Variants in DERL2 observed in about 807,000 individuals in gnomAD.
DERL2 encodes derlin 2, also known as derlin-2.
A neutral mutation model predicts 32.0 loss-of-function variants in DERL2; 13 were observed. The ratio of observed to expected loss-of-function variants is 0.41; its 90% CI spans 0.26 to 0.65. DERL2 has a LOEUF of 0.65. Ranked by LOEUF, DERL2 falls within the 30% of genes least tolerant of loss-of-function variation. The pLI is 0.35. For missense variants in DERL2, 208 were observed against 296.3 expected (o/e 0.70, Z 2.19); for synonymous variants, 111 against 104.7 (o/e 1.06, Z -0.37).
rs1353534733 is a variant in DERL2, at chr17:5,471,477, T to C, written c.*3207A>G. 1 of 152,198 alleles carries C rather than the reference T, an allele frequency of 6.6e-6. No homozygotes were observed. The highest frequency in any genetic ancestry group is 2.4e-5 in the African/African-American group (1 of 41,436). 9.4% of individuals were successfully genotyped at this position (152,198 alleles called of 1,614,324 possible). A position where few individuals can be genotyped will look rare whatever the true frequency, so the allele number is the denominator to read the frequency against. Reference sequence around the variant, plus strand: ...TACAGACTTGAAGCTTTATAGGGATTCAGAGACAGACAATAAAATAGGCCT... The same window carrying C: ...TACAGACTTGAAGCTTTATAGGGATCCAGAGACAGACAATAAAATAGGCCT... On this transcript the variant is annotated 3_prime_UTR_variant, in exon 7 of 7. Coordinates refer to ENST00000158771, the MANE Select transcript of DERL2 (RefSeq NM_016041.5).
Position 5,481,502 on chromosome 17 carries a change from T to G in DERL2, c.234-113A>C. ...ATATTATTTGTAATTAGTCAAGTCT[T>G]CATTTGTATAAGAATGTTTGAGTGG... On this transcript the variant is annotated intron_variant, in intron 3 of 6. Transcript: ENST00000158771. The surrounding 1 kb of genome is among the most constrained non-coding windows in gnomAD (Gnocchi z 4.4). 1 of 741,408 alleles carries G rather than the reference T, an allele frequency of 1.3e-6. No homozygotes were observed. The highest frequency in any genetic ancestry group is 1.6e-5 in the South Asian group (1 of 61,306). 45.9% of individuals were successfully genotyped at this position (741,408 alleles called of 1,614,324 possible).
chr17:5,485,896 G>T, intron 1 of DERL2, 173 bp downstream of exon 1: 1 of 488,194 alleles, frequency 2.0e-6, no homozygotes, highest in Non-Finnish European at 3.6e-6. Context: ...CCCTTCTCGC[G>T]TCACTGGATA....
intron 1 of DERL2, chr17:5,485,782 C>G (rs1303226940): frequency 5.5e-6 from 2 of 360,622 alleles, no homozygotes; most frequent in Admixed American, 9.2e-5. Context: ...ATTGGCAGAG[C>G]TCTCGGACAC....
chr17:5,481,903 T>C lies in DERL2; in HGVS notation c.234-514A>G, dbSNP rs1905813252. On this transcript the variant is annotated intron_variant, in intron 3 of 6. Transcript: ENST00000158771. The surrounding 1 kb of genome is among the most constrained non-coding windows in gnomAD (Gnocchi z 4.4). ...GACCTCGTGATCCACTGCCTTGGCC[T>C]CCCCAAGTGCTGGGATTACAGGTGT... Among the ~76,000 whole-genome samples, 1 of 152,132 alleles carries C rather than the reference T, an allele frequency of 6.6e-6. No individual in the cohort carries two copies. The highest frequency in any genetic ancestry group is 2.1e-4 in the South Asian group (1 of 4,830).
chr17:5,474,865 C>G lies in DERL2; in HGVS notation c.615-76G>C. ...AAAGTACTACAAGGTCAGTTCAGGC[C>G]CCATAGGGTTTCCACCAATAGGTAA... On this transcript the variant is annotated intron_variant, in intron 6 of 6. Coordinates refer to ENST00000158771, the MANE Select transcript of DERL2 (RefSeq NM_016041.5). This position sits in a 1 kb window ranked among gnomAD's most constrained non-coding sequence, Gnocchi z 4.3. 9.2e-7 allele frequency: 1 copy of G among 1,091,374 alleles called. No individual in the cohort carries two copies. The highest frequency in any genetic ancestry group is 1.3e-6 in the Non-Finnish European group (1 of 749,294). 67.6% of individuals were successfully genotyped at this position (1,091,374 alleles called of 1,614,324 possible).
chr17:5,484,022 CAAAGTA>C (rs1226627465), intron 2 of DERL2, among the ~76,000 whole-genome samples: 2 of 152,102 alleles, frequency 1.3e-5, no homozygotes, highest in African/African-American at 4.8e-5. Context: ...CGCATAACTG[CAAAGTA>C]AAAGTGAGAG....
chr17:5,474,572 TA>T lies in DERL2; in HGVS notation c.*111del. On this transcript the variant is annotated 3_prime_UTR_variant, in exon 7 of 7. Transcript: ENST00000158771. The surrounding 1 kb of genome is among the most constrained non-coding windows in gnomAD (Gnocchi z 4.3). ...CCATTTCATAAAGTGCTTCTGGAGT[TA>T]AAATCTGCCAAGCTGTCAAAAGTGT... 2 of 767,918 alleles carry T rather than the reference TA, an allele frequency of 2.6e-6. No individual in the cohort carries two copies. Among genetic ancestry groups the T allele is most frequent in the Non-Finnish European group, 2.1e-6 (1 of 472,672 alleles). 47.6% of individuals were successfully genotyped at this position (767,918 alleles called of 1,614,324 possible).
Position 5,480,491 on chromosome 17 carries a change from C to G in DERL2, c.419G>C (p.Arg140Pro). The G allele has an allele frequency of 6.2e-7, 1 of 1,611,386 alleles. No individual in the cohort carries two copies. Among genetic ancestry groups the G allele is most frequent in the Non-Finnish European group, 8.5e-7 (1 of 1,179,294 alleles). The change falls in exon 5 of 7, where the codon CGC becomes CCC. Residue 140 changes from arginine (R) to proline (P), a missense_variant. Arg to Pro is a moderately radical substitution (Grantham distance 103). Transcript: ENST00000158771. ...YVWSRRNPYVRMNFFGLLNFQ... is the reference protein window; with the variant it reads ...YVWSRRNPYVPMNFFGLLNFQ... ...GTTGAGAAGGCCGAAGAAGTTCATGCGGACATAGGGGTTCCTTCGGCTCCA... is the reference window on the plus strand; with the variant it reads ...GTTGAGAAGGCCGAAGAAGTTCATGGGGACATAGGGGTTCCTTCGGCTCCA...
At position 5,474,517 on chromosome 17, in the gene DERL2, T is replaced by C. The variant is rs115826313; in HGVS notation, c.*167A>G. 452 of 543,294 alleles carry C rather than the reference T, an allele frequency of 8.3e-4. 1 individual carries two copies. The highest frequency in any genetic ancestry group is 7.4e-3 in the African/African-American group (379 of 50,886). The allele number at this position is 543,294 out of a possible 1,614,324, so 33.7% of individuals were successfully genotyped here. The stretch of plus-strand genomic sequence containing the variant: ...GTAGTGAGGAACCACTGGCAAACTG[T>C]TGGAAATGTCTTCTGGATTAGTCAG... On this transcript the variant is annotated 3_prime_UTR_variant, in exon 7 of 7. Transcript: ENST00000158771. This position sits in a 1 kb window ranked among gnomAD's most constrained non-coding sequence, Gnocchi z 4.3.
Position 5,481,298 on chromosome 17 carries a change from T to C in DERL2, c.325A>G (p.Thr109Ala). The change falls in exon 4 of 7, where the codon ACC becomes GCC. Residue 109 changes from threonine to alanine, a missense_variant and splice_region_variant. This residue lies in a region of DERL2 where 124 missense variants were observed against 215.3 expected (regional missense o/e 0.58). Coordinates refer to ENST00000158771, the MANE Select transcript of DERL2 (RefSeq NM_016041.5). The surrounding 1 kb of genome is among the most constrained non-coding windows in gnomAD (Gnocchi z 4.4). ...FMFLFGGFLMTLFGLFVSLVF... is the reference protein window; with the variant it reads ...FMFLFGGFLMALFGLFVSLVF... ...CCGTGTTGTTTGTTGAAGGATACGG[T>C]CATTAAGAATCCACCAAAAAGGAAC... The C allele has an allele frequency of 6.2e-7, 1 of 1,611,316 alleles. No homozygotes were observed. Among genetic ancestry groups the C allele is most frequent in the Non-Finnish European group, 8.5e-7 (1 of 1,177,390 alleles).
chr17:5,474,561 G>A lies in DERL2; in HGVS notation c.*123C>T. The A allele has an allele frequency of 1.4e-6, 1 of 693,048 alleles. No individual in the cohort carries two copies. The highest frequency in any genetic ancestry group is 2.5e-6 in the Non-Finnish European group (1 of 406,924). The allele number at this position is 693,048 out of a possible 1,614,324, so 42.9% of individuals were successfully genotyped here. A position where few individuals can be genotyped will look rare whatever the true frequency, so the allele number is the denominator to read the frequency against. On this transcript the variant is annotated 3_prime_UTR_variant, in exon 7 of 7. Coordinates refer to ENST00000158771, the MANE Select transcript of DERL2 (RefSeq NM_016041.5). This position sits in a 1 kb window ranked among gnomAD's most constrained non-coding sequence, Gnocchi z 4.3. ...TAGTCAGTGTACCATTTCATAAAGT[G>A]CTTCTGGAGTTAAAATCTGCCAAGC...
chr17:5,485,225 G>A lies in DERL2; in HGVS notation c.94-9C>T. The A allele has an allele frequency of 6.4e-7, 1 of 1,563,486 alleles. No homozygotes were observed. Among genetic ancestry groups the A allele is most frequent in the South Asian group, 1.2e-5 (1 of 83,850 alleles). ...GTGATCAATTCCAACTGCTGAAATA[G>A]AAAAAGAGCTTCTTAAAGCAAATCA... is the stretch of plus-strand genomic sequence containing the variant. On this transcript the variant is annotated splice_polypyrimidine_tract_variant and intron_variant, in intron 1 of 6. Coordinates refer to ENST00000158771, the MANE Select transcript of DERL2 (RefSeq NM_016041.5).
rs191065864 is a variant in DERL2 at position 5,479,830 on chromosome 17, C to G, written c.614+224G>C. 4.6e-5 allele frequency among the ~76,000 whole-genome samples: 7 copies of G among 152,300 alleles called. No homozygotes were observed. The East Asian group carries it at 1.3e-3, about 29-fold the overall frequency. ...CATCTCTAACAATTACCAGGTTACTCCCAAGATATCTTGAGCCTGTTGACG... is the reference window on the plus strand; with the variant it reads ...CATCTCTAACAATTACCAGGTTACTGCCAAGATATCTTGAGCCTGTTGACG... On this transcript the variant is annotated intron_variant, in intron 6 of 6. Coordinates refer to ENST00000158771, the MANE Select transcript of DERL2 (RefSeq NM_016041.5).
At chr17:5,480,779 G>A (rs1055270924) in intron 4 of DERL2, 197 bp from the exon 5 acceptor site, 11 of 466,746 alleles carry the variant, frequency 2.4e-5, no homozygotes, top group African/African-American at 4.1e-5. Context: ...CTAAATTATC[G>A]AGATTTACAG....
Position 5,484,709 on chromosome 17 carries a change from A to G in DERL2, c.159+442T>C, listed in dbSNP as rs1360611892. On this transcript the variant is annotated intron_variant, in intron 2 of 6. Coordinates refer to ENST00000158771, the MANE Select transcript of DERL2 (RefSeq NM_016041.5). Reference sequence around the variant, plus strand: ...AGAATTGAGTTTCTGGACCATGGTGATAACACCAAGGTGGTGGGTGTGCCT... The same window carrying G: ...AGAATTGAGTTTCTGGACCATGGTGGTAACACCAAGGTGGTGGGTGTGCCT... 2.6e-5 allele frequency among the ~76,000 whole-genome samples: 4 copies of G among 152,254 alleles called. No homozygotes were observed. The East Asian group carries it at 7.7e-4, about 29-fold the overall frequency.
chr17:5,484,422 T>C (rs1380064109), intron 2 of DERL2, among the ~76,000 whole-genome samples: 2 of 152,226 alleles, frequency 1.3e-5, no homozygotes, highest in Non-Finnish European at 2.9e-5. Flanking sequence ...AATTTTTGTA[T>C]TTTTAGTAAG....
At chr17:5,476,742 C>T (rs1365815766) in intron 6 of DERL2, among the ~76,000 whole-genome samples, 1 of 152,218 alleles carries the variant, frequency 6.6e-6, no homozygotes, top group Non-Finnish European at 1.5e-5. Flanking sequence ...GATTGAGCCA[C>T]TGCACTCAAG....
chr17:5,481,454 T>C lies in DERL2; in HGVS notation c.234-65A>G, dbSNP rs2151706309. The C allele has an allele frequency of 1.8e-6, 2 of 1,097,442 alleles. No homozygotes were observed. Among genetic ancestry groups the C allele is most frequent in the South Asian group, 1.3e-5 (1 of 79,084 alleles). 68.0% of individuals were successfully genotyped at this position (1,097,442 alleles called of 1,614,324 possible). ...TGAACAAAGTAAAAATTTAATGTTA[T>C]CTTGTAAGTACACTTGGATTCCATA... On this transcript the variant is annotated intron_variant, in intron 3 of 6. Coordinates refer to ENST00000158771, the MANE Select transcript of DERL2 (RefSeq NM_016041.5). The surrounding 1 kb of genome is among the most constrained non-coding windows in gnomAD (Gnocchi z 4.4).
chr17:5,482,841 A>G lies in DERL2; in HGVS notation c.201T>C (p.Val67=), dbSNP rs192685679. The G allele has an allele frequency of 9.9e-6, 15 of 1,520,880 alleles. No individual in the cohort carries two copies. The African/African-American group carries it at 1.4e-4, about 14-fold the overall frequency. 94.2% of individuals were successfully genotyped at this position (1,520,880 alleles called of 1,614,324 possible). ...TCATGTTAAATAAAAAATTGAATCC[A>G]ACTGGCCCAAAAAATAAGAAGTTGG... ...LITNFLFFGP[V]GFNFLFNMIF... is the part of the protein sequence containing the mutation. The change falls in exon 3 of 7, where the codon GTT becomes GTC. Residue 67 remains valine (V), a synonymous_variant. Coordinates refer to ENST00000158771, the MANE Select transcript of DERL2 (RefSeq NM_016041.5).
Sources: allele counts gnomAD v4.1 joint callset (sites outside exome capture counted in the v4.1 genomes callset), GRCh38; gene constraint gnomAD v4.1.1; regional missense constraint gnomAD v4.1.1; non-coding constraint Gnocchi (gnomAD v3.1); transcripts MANE v1.5; gene names NCBI Gene and HGNC (gene_info 2026-07-23, HGNC 2026-07-21).